The following RAB11FIP5 variants were observed in gnomAD, a reference collection of about 807,000 sequenced individuals.
RAB11FIP5 encodes rab11 family-interacting protein 5.
A neutral mutation model predicts 85.1 loss-of-function variants in RAB11FIP5; 48 were observed. That is an observed-to-expected ratio of 0.56 (90% CI 0.45 to 0.72). The LOEUF is 0.72. Among genes scored for constraint, RAB11FIP5 ranks in the 30% least tolerant of loss-of-function variants. The pLI is 0.00. For missense variants in RAB11FIP5, 1,491 were observed against 1,687.0 expected (o/e 0.88, Z 2.04); for synonymous variants, 729 against 727.3 (o/e 1.00, Z -0.04).
Position 73,080,372 on chromosome 2 carries a change from C to T in RAB11FIP5, c.2860G>A (p.Glu954Lys). ...TCAGACTCCTCCGACTCACGCTTCT[C>T]TCCCTCCTCCTTGGTCTCCGGGGGA... is the stretch of plus-strand genomic sequence containing the variant. The part of the protein sequence containing the change: ...VGPPETKEEG[E>K]KRESEESDSC... Residue 954 changes from glutamate (E) to lysine (K), a missense_variant, in exon 4 of 6, where the codon GAG becomes AAG. Around this residue, in one of 3 missense-constraint regions of RAB11FIP5, gnomAD observed 1,211 missense variants for 1,338.0 expected, o/e 0.91. Coordinates refer to ENST00000486777, the MANE Select transcript of RAB11FIP5 (RefSeq NM_001371272.1). The T allele has an allele frequency of 8.1e-7, 1 of 1,233,036 alleles. No individual in the cohort carries two copies. Among genetic ancestry groups the T allele is most frequent in the Non-Finnish European group, 1.0e-6 (1 of 988,410 alleles). The allele number at this position is 1,233,036 out of a possible 1,614,324, so 76.4% of individuals were successfully genotyped here.
In RAB11FIP5 at chr2:73,112,885, C is replaced by G; in HGVS notation, c.-108G>C. The stretch of plus-strand genomic sequence containing the variant: ...GTCAGGAACCAACTCTGAGCGCCGC[C>G]GCAGCTGCGGGCTGGGCTGGGCCGG... On this transcript the variant is annotated 5_prime_UTR_variant, in exon 1 of 6. Coordinates refer to ENST00000486777, the MANE Select transcript of RAB11FIP5 (RefSeq NM_001371272.1). The G allele has an allele frequency of 4.6e-6, 5 of 1,083,234 alleles. No homozygotes were observed. In the South Asian group the frequency reaches 1.4e-4, roughly 30 times the overall value. 67.1% of individuals were successfully genotyped at this position (1,083,234 alleles called of 1,614,324 possible).
chr2:73,088,346 C>G lies in RAB11FIP5; in HGVS notation c.1272G>C (p.Glu424Asp), dbSNP rs768774709. 2 of 1,613,810 alleles carry G rather than the reference C, an allele frequency of 1.2e-6. No homozygotes were observed. The highest frequency in any genetic ancestry group is 4.5e-5 in the East Asian group (2 of 44,878). The change falls in exon 3 of 6, where the codon GAG (glutamate) becomes GAC (aspartate). Residue 424 changes from glutamate (E) to aspartate (D), a missense_variant. Physicochemically the swap from Glu to Asp is conservative, Grantham distance 45. Transcript: ENST00000486777. Reference protein sequence around the residue: ...APGASHPGEEEGARLPEGKPV... With the variant: ...APGASHPGEEDGARLPEGKPV... ...GCTTGCCCTCTGGTAGCCGGGCCCC[C>G]TCCTCCTCTCCAGGGTGGCTGGCCC... is the stretch of plus-strand genomic sequence containing the variant.
chr2:73,089,065 T>A lies in RAB11FIP5; in HGVS notation c.682A>T (p.Met228Leu). ...EDPDLGSLGKMGKAKGFFLRN... is the reference protein window; with the variant it reads ...EDPDLGSLGKLGKAKGFFLRN... The stretch of plus-strand genomic sequence containing the variant: ...AGGAAGAAGCCTTTGGCTTTGCCCA[T>A]CTTGCCCAGGCTGCCCAGGTCAGGA... The change falls in exon 2 of 6, where the codon ATG (methionine) becomes TTG (leucine). Residue 228 changes from methionine (M) to leucine (L), a missense_variant. Around this residue, in one of 3 missense-constraint regions of RAB11FIP5, gnomAD observed 1,211 missense variants for 1,338.0 expected, o/e 0.91. Transcript: ENST00000486777. The surrounding 1 kb of genome is among the most constrained non-coding windows in gnomAD (Gnocchi z 4.6). 3.1e-6 allele frequency: 5 copies of A among 1,614,208 alleles called. No individual in the cohort carries two copies. The highest frequency in any genetic ancestry group is 4.2e-6 in the Non-Finnish European group (5 of 1,180,034).
chr2:73,088,322 C>T lies in RAB11FIP5; in HGVS notation c.1296G>A (p.Lys432=). ...CTATGGGTGTGGCAACCTGGACTGGCTTGCCCTCTGGTAGCCGGGCCCCCT... is the reference window on the plus strand; with the variant it reads ...CTATGGGTGTGGCAACCTGGACTGGTTTGCCCTCTGGTAGCCGGGCCCCCT... ...EEEGARLPEG[K]PVQVATPIVA... The change falls in exon 3 of 6, where the codon AAG becomes AAA. Residue 432 remains lysine (K), a synonymous_variant. Transcript: ENST00000486777. The T allele has an allele frequency of 1.2e-6, 2 of 1,613,772 alleles. No individual in the cohort carries two copies. The highest frequency in any genetic ancestry group is 1.7e-6 in the Non-Finnish European group (2 of 1,180,022).
Position 73,081,422 on chromosome 2 carries a change from G to T in RAB11FIP5, c.1810C>A (p.Gln604Lys). Reference sequence around the variant, plus strand: ...AGCTCCTCGAAGAAGGGGTTGCTCTGCAAAGAGGTGAGGAACGGGTTGGTA... The same window carrying T: ...AGCTCCTCGAAGAAGGGGTTGCTCTTCAAAGAGGTGAGGAACGGGTTGGTA... The part of the protein sequence containing the change: ...GLTNPFLTSL[Q>K]SNPFFEELIA... Residue 604 changes from glutamine (Q) to lysine (K), a missense_variant, in exon 4 of 6, where the codon CAG becomes AAG. By Grantham distance (53) the Gln-to-Lys change is moderately conservative. Around this residue, in one of 3 missense-constraint regions of RAB11FIP5, gnomAD observed 1,211 missense variants for 1,338.0 expected, o/e 0.91. Coordinates refer to ENST00000486777, the MANE Select transcript of RAB11FIP5 (RefSeq NM_001371272.1). The surrounding 1 kb of genome is among the most constrained non-coding windows in gnomAD (Gnocchi z 4.2). The T allele has an allele frequency of 8.1e-7, 1 of 1,232,812 alleles. No homozygotes were observed. The highest frequency in any genetic ancestry group is 4.1e-5 in the South Asian group (1 of 24,430). 76.4% of individuals were successfully genotyped at this position (1,232,812 alleles called of 1,614,324 possible). A position where few individuals can be genotyped will look rare whatever the true frequency, so the allele number is the denominator to read the frequency against.
At chr2:73,111,770 TG>T (rs760521557) in intron 1 of RAB11FIP5, among the ~76,000 whole-genome samples, 15 of 151,666 alleles carry the variant, frequency 9.9e-5, no homozygotes, top group Admixed American at 3.3e-4. Flanking sequence ...AGGGACAGGA[TG>T]GGGGTGGGGG....
chr2:73,080,106 C>T lies in RAB11FIP5; in HGVS notation c.3126G>A (p.Gly1042=). The change falls in exon 4 of 6, where the codon GGG becomes GGA. Residue 1042 remains glycine, a synonymous_variant. Coordinates refer to ENST00000486777, the MANE Select transcript of RAB11FIP5 (RefSeq NM_001371272.1). The stretch of plus-strand genomic sequence containing the variant: ...GGGAGGTGGCTGACAAGGACCCAAG[C>T]CCCTCTCCTACTGGATCCTGGCCCT... ...EAQGQDPVGE[G]LGSLSATSQQ... 1 of 1,232,236 alleles carries T rather than the reference C, an allele frequency of 8.1e-7. No homozygotes were observed. 76.3% of individuals were successfully genotyped at this position (1,232,236 alleles called of 1,614,324 possible).
At position 73,075,517 on chromosome 2, in the gene RAB11FIP5, A is replaced by C. The variant is rs1195647236; in HGVS notation, c.*4T>G. On this transcript the variant is annotated 3_prime_UTR_variant, in exon 6 of 6. Transcript: ENST00000486777. This position sits in a 1 kb window ranked among gnomAD's most constrained non-coding sequence, Gnocchi z 4.6. ...CAACCCTCCTGGGGGTAGGGTGAGG[A>C]AGGCTATTTGGGGGGGCCCGGGGGG... 1.2e-6 allele frequency: 2 copies of C among 1,613,780 alleles called. No individual in the cohort carries two copies. The highest frequency in any genetic ancestry group is 3.3e-5 in the Admixed American group (2 of 60,010).
chr2:73,100,591 A>G (rs773550595), intron 1 of RAB11FIP5, among the ~76,000 whole-genome samples: 15 of 151,846 alleles, frequency 9.9e-5, no homozygotes, highest in Non-Finnish European at 1.8e-4. Context: ...ACACCCAGCT[A>G]ATTTTTGTAT....
At position 73,081,183 on chromosome 2, in the gene RAB11FIP5, G is replaced by T. The variant is rs756755454; in HGVS notation, c.2049C>A (p.Asp683Glu). The T allele has an allele frequency of 2.4e-5, 30 of 1,232,270 alleles. No homozygotes were observed. Among genetic ancestry groups the T allele is most frequent in the Non-Finnish European group, 2.9e-5 (29 of 988,162 alleles). The allele number at this position is 1,232,270 out of a possible 1,614,324, so 76.3% of individuals were successfully genotyped here. ...TCGCAGTCATGGCCCCAGGGCCTGG[G>T]TCTTGCAGCCCTGCCGCCTCCAGCC... ...GVGLEAAGLQ[D>E]PGPGAMTAKA... The change falls in exon 4 of 6, where the codon GAC (aspartate) becomes GAA (glutamate). Residue 683 changes from aspartate to glutamate, a missense_variant. Physicochemically the swap from Asp to Glu is conservative, Grantham distance 45. This residue lies in a region of RAB11FIP5 where 1,211 missense variants were observed against 1,338.0 expected (regional missense o/e 0.91). Transcript: ENST00000486777. The surrounding 1 kb of genome is among the most constrained non-coding windows in gnomAD (Gnocchi z 4.2).
intron 4 of RAB11FIP5, among the ~76,000 whole-genome samples, chr2:73,076,651 C>T (rs1683868000): frequency 6.6e-6 from 1 of 152,186 alleles, no homozygotes; most frequent in Non-Finnish European, 1.5e-5. Flanking sequence ...CCTGGGCAAA[C>T]TGGGACACTT....
At chr2:73,085,624 G>A (rs1269301792) in intron 3 of RAB11FIP5, among the ~76,000 whole-genome samples, 1 of 152,114 alleles carries the variant, frequency 6.6e-6, no homozygotes, top group Non-Finnish European at 1.5e-5. Context: ...CACTGGTAGG[G>A]GCCCAGTGTG....
At chr2:73,101,052 T>G in intron 1 of RAB11FIP5, among the ~76,000 whole-genome samples, 1 of 135,594 alleles carries the variant, frequency 7.4e-6, no homozygotes, top group Non-Finnish European at 1.6e-5. Flanking sequence ...TGGGGGGGAT[T>G]TGGAATGCTG....
At chr2:73,100,425 G>GTTTT (rs573555727) in intron 1 of RAB11FIP5, among the ~76,000 whole-genome samples, 15 of 131,086 alleles carry the variant, frequency 1.1e-4, no homozygotes, top group African/African-American at 2.6e-4. Context: ...TTTGGTTGTG[G>GTTTT]TTTTTTTTTT....
At chr2:73,099,736 A>G (rs1251691249) in intron 1 of RAB11FIP5, among the ~76,000 whole-genome samples, 2 of 152,178 alleles carry the variant, frequency 1.3e-5, no homozygotes, top group Admixed American at 1.3e-4. Context: ...GCTTGTTTTG[A>G]TCATGCCCCC....
At chr2:73,091,336 A>T (rs1003264983) in intron 1 of RAB11FIP5, among the ~76,000 whole-genome samples, 3 of 152,202 alleles carry the variant, frequency 2.0e-5, no homozygotes, top group African/African-American at 7.2e-5. Context: ...GCCTTCCACT[A>T]GCCTGGAATT....
rs10202635 is a variant in RAB11FIP5 at position 73,079,251 on chromosome 2, C to G, written c.3581+400G>C. On this transcript the variant is annotated intron_variant, in intron 4 of 5. Transcript: ENST00000486777. Reference sequence around the variant, plus strand: ...CCACGGTCTGCCCCAAGAACTACCCCCTGATTGACAAGTTCCACCGCCCCC... The same window carrying G: ...CCACGGTCTGCCCCAAGAACTACCCGCTGATTGACAAGTTCCACCGCCCCC... Among the ~76,000 whole-genome samples, 1,469 of 152,200 alleles carry G rather than the reference C, an allele frequency of 9.7e-3. 21 individuals are homozygous for G. The highest frequency in any genetic ancestry group is 0.033 in the African/African-American group (1,353 of 41,512).
Position 73,080,687 on chromosome 2 carries a change from G to T in RAB11FIP5, c.2545C>A (p.Leu849Ile). Residue 849 changes from leucine to isoleucine, a missense_variant, in exon 4 of 6, where the codon CTA (leucine) becomes ATA (isoleucine). Leu to Ile is a conservative substitution (Grantham distance 5, BLOSUM62 2). Coordinates refer to ENST00000486777, the MANE Select transcript of RAB11FIP5 (RefSeq NM_001371272.1). The part of the protein sequence containing the change: ...TISPAAETAS[L>I]VFRGESDEPA... ...TCATCAGACTCTCCCCGAAAGACTA[G>T]TGAGGCTGTCTCAGCTGCAGGAGAA... 1 of 1,232,546 alleles carries T rather than the reference G, an allele frequency of 8.1e-7. No homozygotes were observed. Among genetic ancestry groups the T allele is most frequent in the Non-Finnish European group, 1.0e-6 (1 of 988,094 alleles). 76.4% of individuals were successfully genotyped at this position (1,232,546 alleles called of 1,614,324 possible). A position where few individuals can be genotyped will look rare whatever the true frequency, so the allele number is the denominator to read the frequency against.
chr2:73,101,370 C>T (rs1001591383), intron 1 of RAB11FIP5, among the ~76,000 whole-genome samples: 7 of 152,268 alleles, frequency 4.6e-5, no homozygotes, highest in African/African-American at 1.4e-4. Context: ...TGGATCCTAA[C>T]TCAACAAATC....
Sources: gnomAD v4.1 joint callset for allele counts (sites outside exome capture counted in the v4.1 genomes callset) on GRCh38, gnomAD v4.1.1 for gene constraint, gnomAD v4.1.1 regional missense constraint, Gnocchi (gnomAD v3.1) non-coding constraint, MANE v1.5 for transcripts, NCBI Gene and HGNC (gene_info 2026-07-23, HGNC 2026-07-21) for gene names.